The following FANCD2 variants were observed in gnomAD, a reference collection of about 807,000 sequenced individuals.
FANCD2 encodes FA complementation group D2.
A neutral mutation model predicts 192.3 loss-of-function variants in FANCD2; 131 were observed. The observed-to-expected ratio is 0.68, with a 90% CI of 0.59 to 0.79. FANCD2 has a LOEUF of 0.79. Among genes scored for constraint, FANCD2 ranks in the 30% least tolerant of loss-of-function variants. The pLI, the probability that FANCD2 is intolerant of heterozygous loss-of-function variation, is 0.00. For synonymous variants in FANCD2, 524 were observed against 612.5 expected (o/e 0.86, Z 2.13); for missense variants, 1,508 against 1,701.6 (o/e 0.89, Z 2.00).
At chr3:10,088,718 A>T (rs1430396243) in intron 35 of FANCD2, 110 bp from the exon 36 acceptor site, 6 of 1,247,286 alleles carry the variant, frequency 4.8e-6, no homozygotes, top group Non-Finnish European at 7.0e-6. Flanking sequence ...TCTGTTTTAT[A>T]CTGTTAGCTA....
Position 10,032,721 on chromosome 3 carries a change from T to C in FANCD2, c.65-111T>C. 3.4e-6 allele frequency: 3 copies of C among 887,724 alleles called. No homozygotes were observed. The South Asian group carries it at 4.3e-5, about 13-fold the overall frequency. 55.0% of individuals were successfully genotyped at this position (887,724 alleles called of 1,614,324 possible). On this transcript the variant is annotated intron_variant, in intron 2 of 43. Transcript: ENST00000675286. ...TATTTCACTACAGCATCAATCCTAGTATAATTTTTAAGGACACATCAGTTT... is the reference window on the plus strand; with the variant it reads ...TATTTCACTACAGCATCAATCCTAGCATAATTTTTAAGGACACATCAGTTT...
In FANCD2 at chr3:10,078,175, C is replaced by T. The variant is rs780773924; in HGVS notation, c.2954C>T (p.Ala985Val). 7 of 1,609,472 alleles carry T rather than the reference C, an allele frequency of 4.3e-6. No homozygotes were observed. The Admixed American group carries it at 1.0e-4, about 23-fold the overall frequency. Reference sequence around the variant, plus strand: ...GAGAGTATGCTGACACCTCCTATTGCCAGGAGAGTCCCCTTTCTCAAGGTT... The same window carrying T: ...GAGAGTATGCTGACACCTCCTATTGTCAGGAGAGTCCCCTTTCTCAAGGTT... ...KLESMLTPPI[A>V]RRVPFLKNKG... The change falls in exon 30 of 44, where the codon GCC (alanine) becomes GTC (valine). Residue 985 changes from alanine to valine, a missense_variant. By Grantham distance (64) the Ala-to-Val change is moderately conservative. This residue lies in a region of FANCD2 where 796 missense variants were observed against 879.4 expected (regional missense o/e 0.91). Transcript: ENST00000675286.
At position 10,092,329 on chromosome 3, in the gene FANCD2, T is replaced by A. The variant is rs910535022; in HGVS notation, c.3849+77T>A. ...GTGTCCTGGCTTCCAAAATGGACTT[T>A]CCTTGCTCCTCTTCCCACTCTTCCT... is the stretch of plus-strand genomic sequence containing the variant. On this transcript the variant is annotated intron_variant, in intron 38 of 43. Transcript: ENST00000675286. 2.8e-6 allele frequency: 3 copies of A among 1,080,476 alleles called. No individual in the cohort carries two copies. The African/African-American group carries it at 4.7e-5, about 17-fold the overall frequency. The allele number at this position is 1,080,476 out of a possible 1,614,324, so 66.9% of individuals were successfully genotyped here.
At chr3:10,051,050 C>A (rs2087187241) in intron 17 of FANCD2, among the ~76,000 whole-genome samples, 1 of 150,402 alleles carries the variant, frequency 6.6e-6, no homozygotes, top group East Asian at 2.0e-4. Flanking sequence ...CATGCCATCA[C>A]ACTCCAGCCT....
chr3:10,096,376 C>G lies in FANCD2; in HGVS notation c.4089C>G (p.Thr1363=). The G allele has an allele frequency of 6.2e-7, 1 of 1,613,950 alleles. No individual in the cohort carries two copies. Among genetic ancestry groups the G allele is most frequent in the East Asian group, 2.2e-5 (1 of 44,890 alleles). The change falls in exon 42 of 44, where the codon ACC becomes ACG. Residue 1363 remains threonine, a synonymous_variant. Transcript: ENST00000675286. ...LTQHVPLLKK[T]LELLVCRVKA... Reference sequence around the variant, plus strand: ...AACATGTGCCTCTGCTCAAAAAGACCCTGGAACTTTTAGTTTGCAGAGTCA... The same window carrying G: ...AACATGTGCCTCTGCTCAAAAAGACGCTGGAACTTTTAGTTTGCAGAGTCA...
At chr3:10,093,225 A>C in intron 38 of FANCD2, 60 bp from the exon 39 acceptor site, 1 of 1,332,772 alleles carries the variant, frequency 7.5e-7, no homozygotes, top group Admixed American at 1.7e-5. Flanking sequence ...AGCGGGAAAG[A>C]GGCTGGAGTG....
intron 42 of FANCD2, among the ~76,000 whole-genome samples, chr3:10,097,266 G>C (rs377014993): frequency 6.6e-5 from 10 of 152,268 alleles, no homozygotes; most frequent in Admixed American, 1.3e-4. Flanking sequence ...CAGGAGACAG[G>C]GTTTTGAGAT....
chr3:10,046,420 C>G, intron 14 of FANCD2, 160 bp from the exon 15 acceptor site: 1 of 1,221,174 alleles, frequency 8.2e-7, no homozygotes, highest in Non-Finnish European at 1.1e-6. Context: ...AAAAATATTT[C>G]TGAGTTTTGT....
intron 37 of FANCD2, among the ~76,000 whole-genome samples, chr3:10,090,931 C>A (rs982707240): frequency 6.6e-6 from 1 of 151,690 alleles, no homozygotes; most frequent in Admixed American, 6.6e-5. Flanking sequence ...TGGCTACTGC[C>A]CAGTTTGCCT....
intron 42 of FANCD2, among the ~76,000 whole-genome samples, chr3:10,098,352 G>A (rs183529940): frequency 1.3e-5 from 2 of 152,056 alleles, no homozygotes; most frequent in African/African-American, 2.4e-5. Flanking sequence ...TTTAGCCTCC[G>A]CATGGCCATT....
At position 10,044,838 on chromosome 3, in the gene FANCD2, G is replaced by T. The variant is rs544637618; in HGVS notation, c.1134+974G>T. Among the ~76,000 whole-genome samples, 52 of 152,248 alleles carry T rather than the reference G, an allele frequency of 3.4e-4. 2 individuals carry two copies. The South Asian group carries it at 4.8e-3, about 14-fold the overall frequency. On this transcript the variant is annotated intron_variant, in intron 14 of 43. Coordinates refer to ENST00000675286, the MANE Select transcript of FANCD2 (RefSeq NM_001018115.3). ...TAAACATAAATTTACCACCTTGGCTGCCTGCATACCTATTTTTACATATTT... is the reference window on the plus strand; with the variant it reads ...TAAACATAAATTTACCACCTTGGCTTCCTGCATACCTATTTTTACATATTT...
chr3:10,087,927 G>A (rs879353792), intron 34 of FANCD2, among the ~76,000 whole-genome samples: 11 of 152,158 alleles, frequency 7.2e-5, no homozygotes, highest in Non-Finnish European at 1.2e-4. Context: ...GATTACAGAC[G>A]TGAGCCACTG....
chr3:10,032,140 G>C (rs6414438), intron 2 of FANCD2, among the ~76,000 whole-genome samples: 36,218 of 151,834 alleles, frequency 0.24, 5,668 homozygotes, highest in African/African-American at 0.45. Flanking sequence ...CCACTGTGCT[G>C]GGTCGGAAAT....
intron 26 of FANCD2, among the ~76,000 whole-genome samples, chr3:10,070,515 G>A: frequency 2.2e-5 from 1 of 45,692 alleles, no homozygotes; most frequent in South Asian, 6.6e-4. Flanking sequence ...GGGGGGGTCA[G>A]CCCCCTGTCC....
rs2086637101 is a variant in FANCD2 at position 10,032,871 on chromosome 3, C to G, written c.104C>G (p.Ser35Cys). ...KQPLSKKTKKSHIANEVEEND... is the reference protein window; with the variant it reads ...KQPLSKKTKKCHIANEVEEND... ...CCACTTTCCAAAAAGACAAAGAAAT[C>G]TCATATTGCTAATGAAGTTGAAGAA... Residue 35 changes from serine to cysteine, a missense_variant, in exon 3 of 44, where the codon TCT (serine) becomes TGT (cysteine). Transcript: ENST00000675286. 3 of 1,612,650 alleles carry G rather than the reference C, an allele frequency of 1.9e-6. No individual in the cohort carries two copies. Among genetic ancestry groups the G allele is most frequent in the Non-Finnish European group, 2.5e-6 (3 of 1,178,932 alleles).
At chr3:10,091,342 A>T (rs537256927) in intron 37 of FANCD2, among the ~76,000 whole-genome samples, 1 of 150,750 alleles carries the variant, frequency 6.6e-6, no homozygotes, top group Admixed American at 6.7e-5. Flanking sequence ...CAGCCTCCCA[A>T]AGTGCTGGGA....
chr3:10,066,440 C>T (rs553139063), intron 25 of FANCD2, among the ~76,000 whole-genome samples: 22 of 152,272 alleles, frequency 1.4e-4, no homozygotes, highest in African/African-American at 5.1e-4. Flanking sequence ...TATTTGATTA[C>T]CACATCTCTA....
chr3:10,048,750 G>C (rs1404011361), intron 16 of FANCD2, among the ~76,000 whole-genome samples: 2 of 152,194 alleles, frequency 1.3e-5, no homozygotes, highest in Non-Finnish European at 2.9e-5. Flanking sequence ...CATTTGAATG[G>C]AACTTTTAAA....
intron 2 of FANCD2, among the ~76,000 whole-genome samples, chr3:10,031,586 A>C (rs535025553): frequency 2.6e-5 from 4 of 151,934 alleles, no homozygotes; most frequent in Non-Finnish European, 5.9e-5. Flanking sequence ...GTAAATTTTA[A>C]ACTTGGCTTC....
Sources: allele counts gnomAD v4.1 joint callset (sites outside exome capture counted in the v4.1 genomes callset), GRCh38; gene constraint gnomAD v4.1.1; regional missense constraint gnomAD v4.1.1; transcripts MANE v1.5; gene names NCBI Gene and HGNC (gene_info 2026-07-23, HGNC 2026-07-21).